Variants in ENTREP2 observed in about 807,000 individuals in gnomAD.
ENTREP2 encodes the protein protein ENTREP2.
At chr15:29,517,693 T>A in the ENTREP2 span, among the ~76,000 whole-genome samples, 1 of 152,154 alleles carries the variant, frequency 6.6e-6, no homozygotes, top group South Asian at 2.1e-4. Flanking sequence ...TTTACATCCA[T>A]GAACAGCGTG....
chr15:29,174,694 AAACAAAACAAAACAAC>A, the ENTREP2 span, among the ~76,000 whole-genome samples: 2 of 147,120 alleles, frequency 1.4e-5, no homozygotes, highest in African/African-American at 5.4e-5. Context: ...CAACTAAACA[AAACAAAACAAAACAAC>A]AAAAAAAAAA....
the ENTREP2 span, among the ~76,000 whole-genome samples, chr15:29,651,431 T>C: frequency 6.6e-6 from 1 of 152,216 alleles, no homozygotes; most frequent in Non-Finnish European, 1.5e-5. Flanking sequence ...GAATGGCAGC[T>C]GCCAAGATGC....
the ENTREP2 span, among the ~76,000 whole-genome samples, chr15:29,386,200 G>T: frequency 6.6e-6 from 1 of 152,150 alleles, no homozygotes; most frequent in Non-Finnish European, 1.5e-5. Context: ...TTGTGATAAG[G>T]CAGAGGGTCT....
chr15:29,404,846 C>G, the ENTREP2 span, among the ~76,000 whole-genome samples: 12 of 152,038 alleles, frequency 7.9e-5, no homozygotes, highest in Non-Finnish European at 1.3e-4. Context: ...GCCCCACTCA[C>G]CCAGATGTGC....
At chr15:29,445,384 T>C in the ENTREP2 span, among the ~76,000 whole-genome samples, 2 of 152,066 alleles carry the variant, frequency 1.3e-5, no homozygotes, top group South Asian at 2.1e-4. Flanking sequence ...GATTAGAGCG[T>C]TGGAACTTTC....
the ENTREP2 span, among the ~76,000 whole-genome samples, chr15:29,260,225 T>C: frequency 6.6e-6 from 1 of 152,176 alleles, no homozygotes; most frequent in Admixed American, 6.5e-5. Context: ...TCCTAACTCA[T>C]TTCATGAGGC....
At chr15:29,265,115 A>G in the ENTREP2 span, 2 of 152,184 alleles carry the variant, frequency 1.3e-5, no homozygotes, top group East Asian at 3.9e-4. Flanking sequence ...GGGTAACTAA[A>G]TAGCCCAATA....
the ENTREP2 span, among the ~76,000 whole-genome samples, chr15:29,451,304 G>A: frequency 2.0e-5 from 3 of 152,078 alleles, no homozygotes; most frequent in African/African-American, 2.4e-5. Context: ...CTCGCCTCTC[G>A]CCTGTTAGGT....
At chr15:29,126,557 G>T in the ENTREP2 span, 1 of 1,402,030 alleles carries the variant, frequency 7.1e-7, no homozygotes, top group Non-Finnish European at 9.8e-7. Context: ...GGACAGGCCT[G>T]CCCCTCAAAC....
the ENTREP2 span, among the ~76,000 whole-genome samples, chr15:29,343,664 A>C: frequency 6.6e-6 from 1 of 151,998 alleles, no homozygotes; most frequent in Non-Finnish European, 1.5e-5. Context: ...TTAACACGGG[A>C]ACACTTGGAG....
the ENTREP2 span, among the ~76,000 whole-genome samples, chr15:29,549,910 G>C: frequency 5.9e-5 from 9 of 152,202 alleles, no homozygotes; most frequent in Admixed American, 5.9e-4. Flanking sequence ...CAATGATTCA[G>C]AGTCAGAGTG....
At chr15:29,671,630 C>T in the ENTREP2 span, among the ~76,000 whole-genome samples, 1 of 152,210 alleles carries the variant, frequency 6.6e-6, no homozygotes, top group Non-Finnish European at 1.5e-5. Context: ...AGCAGGGTGG[C>T]TTTTGTTTGC....
the ENTREP2 span, chr15:29,128,935 T>C: frequency 9.6e-7 from 1 of 1,046,658 alleles, no homozygotes. Flanking sequence ...TCCAGTAGTG[T>C]AGGCGCTTAA....
the ENTREP2 span, among the ~76,000 whole-genome samples, chr15:29,328,873 T>C: frequency 4.5e-3 from 686 of 152,312 alleles, 6 homozygotes; most frequent in African/African-American, 0.016. Flanking sequence ...GGTATATACA[T>C]GTGTTGGTAT....
the ENTREP2 span, among the ~76,000 whole-genome samples, chr15:29,475,457 A>T: frequency 6.6e-6 from 1 of 152,072 alleles, no homozygotes; most frequent in Non-Finnish European, 1.5e-5. Context: ...ATCTGGAAGG[A>T]CCGTTCACTC....
At chr15:29,532,586 T>C in the ENTREP2 span, among the ~76,000 whole-genome samples, 1 of 152,136 alleles carries the variant, frequency 6.6e-6, no homozygotes, top group Non-Finnish European at 1.5e-5. Flanking sequence ...CCAAACAGCA[T>C]CATCTTCTAA....
chr15:29,495,414 G>T, the ENTREP2 span, among the ~76,000 whole-genome samples: 11 of 152,014 alleles, frequency 7.2e-5, no homozygotes, highest in African/African-American at 2.7e-4. Flanking sequence ...CCAATTATTT[G>T]TTTTTACTTT....
At chr15:29,282,615 C>T in the ENTREP2 span, among the ~76,000 whole-genome samples, 2 of 152,172 alleles carry the variant, frequency 1.3e-5, no homozygotes, top group Non-Finnish European at 2.9e-5. Flanking sequence ...CTCTTCTCCA[C>T]CCACCTCATG....
chr15:29,219,182 A>G, the ENTREP2 span, among the ~76,000 whole-genome samples: 1 of 152,214 alleles, frequency 6.6e-6, no homozygotes, highest in Non-Finnish European at 1.5e-5. Context: ...AAAAGAAGAT[A>G]TACAAATGGC....
Sources: allele counts gnomAD v4.1 joint callset (sites outside exome capture counted in the v4.1 genomes callset), GRCh38; gene constraint gnomAD v4.1.1; transcripts MANE v1.5; gene names NCBI Gene and HGNC (gene_info 2026-07-23, HGNC 2026-07-21).